CA2: variants seen among roughly 807,000 people sequenced by gnomAD.
CA2 encodes carbonic anhydrase 2, also known as carbonate dehydratase II.
In CA2, 23 loss-of-function variants were observed where a neutral mutation model predicts 27.8. The observed-to-expected ratio is 0.83, with a 90% CI of 0.59 to 1.17. The LOEUF (loss-of-function observed/expected upper bound fraction) is 1.17, where lower values mean the gene tolerates loss of function less well. Ranked by LOEUF, CA2 falls within the 50% of genes most tolerant of loss-of-function variation. The probability of loss-of-function intolerance (pLI) is 0.00; values close to 1 mark genes in which losing one functional copy is unlikely to be tolerated. For missense variants in CA2, 300 were observed against 314.7 expected, an observed-to-expected ratio of 0.95 and a Z score of 0.35; for synonymous variants, 99 against 114.9, an observed-to-expected ratio of 0.86 and a Z score of 0.88.
At position 85,480,875 on chromosome 8, in the gene CA2, C is replaced by G. The variant is rs1276370841; in HGVS notation, c.*86C>G. On this transcript the variant is annotated 3_prime_UTR_variant, in exon 7 of 7. Transcript: ENST00000285379. ...CAGATCTACCTTGGTGATTTGGACC[C>G]TGGTTGCTTTGTGTCTAGTTTTCTA... The G allele has an allele frequency of 6.8e-7, 1 of 1,469,366 alleles. No individual in the cohort carries two copies. The highest frequency in any genetic ancestry group is 1.4e-5 in the African/African-American group (1 of 71,680). The allele number at this position is 1,469,366 out of a possible 1,614,324, so 91.0% of individuals were successfully genotyped here.
rs1443776147 is a variant in CA2, at chr8:85,465,346, A to T, written c.109A>T (p.Thr37Ser). The change falls in exon 2 of 7, where the codon ACA (threonine) becomes TCA (serine). Residue 37 changes from threonine to serine, a missense_variant. Thr to Ser is a moderately conservative substitution (Grantham distance 58). This residue lies in a region of CA2 where 122 missense variants were observed against 133.2 expected (regional missense o/e 0.92). Transcript: ENST00000285379. ...RQSPVDIDTH[T>S]AKYDPSLKPL... ...GTCCCCTGTTGACATCGACACTCAT[A>T]CAGCCAAGTATGACCCTTCCCTGAA... 12 of 1,614,064 alleles carry T rather than the reference A, an allele frequency of 7.4e-6. No homozygotes were observed. The East Asian group carries it at 2.7e-4, about 36-fold the overall frequency.
chr8:85,468,746 G>T (rs906587041), intron 2 of CA2, among the ~76,000 whole-genome samples: 3 of 151,774 alleles, frequency 2.0e-5, no homozygotes, highest in Admixed American at 6.6e-5. Flanking sequence ...GTGACAGAAC[G>T]AGACTCCATC....
In CA2 at chr8:85,474,375, C is replaced by T. The variant is rs1811757424; in HGVS notation, c.403C>T (p.Gln135Ter). ...ATATGGGGATTTTGGGAAAGCTGTG[C>T]AGCAACCTGATGGACTGGCCGTTCT... ...TKYGDFGKAV[Q>*]QPDGLAVLGI... Residue 135 changes from glutamine (Q) to a stop codon, truncating the protein, a stop_gained, in exon 4 of 7, where the codon CAG (glutamine) becomes TAG (stop). Transcript: ENST00000285379. LOFTEE classifies it high-confidence loss of function. The T allele has an allele frequency of 1.9e-6, 3 of 1,613,948 alleles. No individual in the cohort carries two copies. In the Admixed American group the frequency reaches 5.0e-5, roughly 27 times the overall value.
In CA2 at chr8:85,464,122, G is replaced by A. The variant is rs762582459; in HGVS notation, c.34+7G>A. ...GGGTACGGCAAACACAACGGTGAGT[G>A]CCGGCGACGGCCAGCGCGGGGGCGC... On this transcript the variant is annotated splice_region_variant and intron_variant, in intron 1 of 6. Transcript: ENST00000285379. 3.3e-6 allele frequency: 5 copies of A among 1,538,080 alleles called. No individual in the cohort carries two copies. Among genetic ancestry groups the A allele is most frequent in the African/African-American group, 2.8e-5 (2 of 71,266 alleles).
Position 85,466,956 on chromosome 8 carries a change from C to T in CA2, c.232+1487C>T, listed in dbSNP as rs540301546. On this transcript the variant is annotated intron_variant, in intron 2 of 6. Coordinates refer to ENST00000285379, the MANE Select transcript of CA2 (RefSeq NM_000067.3). ...ACAGAAAGAATACTATAACATTTCA[C>T]GTCTAGTCATTTACAAACCAAAAGA... Among the ~76,000 whole-genome samples, 10 of 152,280 alleles carry T rather than the reference C, an allele frequency of 6.6e-5. No homozygotes were observed. The East Asian group carries it at 9.6e-4, about 15-fold the overall frequency.
chr8:85,466,438 C>G (rs1242446394), intron 2 of CA2, among the ~76,000 whole-genome samples: 1 of 151,914 alleles, frequency 6.6e-6, no homozygotes, highest in Non-Finnish European at 1.5e-5. Flanking sequence ...GTAATTATAA[C>G]CATTTAGTCA....
rs1164861587 is a variant in CA2, at chr8:85,480,795, TC to T, written c.*9del. ...TCAAAGCTTCCTTCAAATAAGATGG[TC>T]CCATAGTCTGTATCCAAATAATGAA... On this transcript the variant is annotated 3_prime_UTR_variant, in exon 7 of 7. Transcript: ENST00000285379. 6.2e-7 allele frequency: 1 copy of T among 1,613,582 alleles called. No individual in the cohort carries two copies. Among genetic ancestry groups the T allele is most frequent in the African/African-American group, 1.3e-5 (1 of 74,996 alleles).
chr8:85,474,286 G>A, intron 3 of CA2, 38 bp from the exon 4 acceptor site: 1 of 1,409,800 alleles, frequency 7.1e-7, no homozygotes, highest in Non-Finnish European at 1.0e-6. Flanking sequence ...CTTTGATTAT[G>A]TAAATCACTC....
rs971649618 is a variant in CA2, at chr8:85,473,793, A to G, written c.333A>G (p.Lys111=). ...AAGGTTCAGAGCATACTGTGGATAA[A>G]AAGAAATATGCTGCAGAAGTAAGAT... The part of the protein sequence containing the change: ...DGQGSEHTVD[K]KKYAAELHLV... The change falls in exon 3 of 7, where the codon AAA becomes AAG. Residue 111 remains lysine (K), a synonymous_variant. Coordinates refer to ENST00000285379, the MANE Select transcript of CA2 (RefSeq NM_000067.3). 1 of 1,575,158 alleles carries G rather than the reference A, an allele frequency of 6.3e-7. No homozygotes were observed. Among genetic ancestry groups the G allele is most frequent in the East Asian group, 2.2e-5 (1 of 44,670 alleles).
At chr8:85,475,984 T>C (rs750006721) in intron 5 of CA2, 124 bp downstream of exon 5, 1 of 766,370 alleles carries the variant, frequency 1.3e-6, no homozygotes, top group Non-Finnish European at 2.3e-6. Flanking sequence ...GAGCAGTTAG[T>C]AAAGGTAGAA....
chr8:85,480,515 A>C (rs1811873016), intron 6 of CA2, among the ~76,000 whole-genome samples, 155 bp from the exon 7 acceptor site: 1 of 151,362 alleles, frequency 6.6e-6, no homozygotes, highest in African/African-American at 2.4e-5. Context: ...ACCTCAAGTG[A>C]TCCACCCGCC....
chr8:85,472,519 C>A (rs190928959), intron 2 of CA2, among the ~76,000 whole-genome samples: 1 of 152,040 alleles, frequency 6.6e-6, no homozygotes, highest in African/African-American at 2.4e-5. Context: ...TTGCTTAATG[C>A]AGTTACATTA....
Position 85,477,232 on chromosome 8 carries a change from C to T in CA2, c.620C>T (p.Thr207Ile), listed in dbSNP as rs1228811130. ...LTTPPLLECV[T>I]WIVLKEPISV... ...ACCCCTCCTCTTCTGGAATGTGTGA[C>T]CTGGATTGTGCTCAAGGAACCCATC... The change falls in exon 6 of 7, where the codon ACC (threonine) becomes ATC (isoleucine). Residue 207 changes from threonine (T) to isoleucine (I), a missense_variant. By Grantham distance (89) the Thr-to-Ile change is moderately conservative. Transcript: ENST00000285379. The T allele has an allele frequency of 1.2e-6, 2 of 1,613,976 alleles. No individual in the cohort carries two copies. Among genetic ancestry groups the T allele is most frequent in the African/African-American group, 1.3e-5 (1 of 74,914 alleles).
At chr8:85,465,861 A>C (rs1176679366) in intron 2 of CA2, among the ~76,000 whole-genome samples, 6 of 152,184 alleles carry the variant, frequency 3.9e-5, no homozygotes, top group African/African-American at 1.4e-4. Flanking sequence ...AGTATATCTT[A>C]GTGAGCCTTA....
chr8:85,474,497 T>G, intron 4 of CA2, 81 bp downstream of exon 4: 3 of 1,067,880 alleles, frequency 2.8e-6, no homozygotes, highest in Non-Finnish European at 4.4e-6. Flanking sequence ...ATACAGGACA[T>G]TCTACAAAAG....
chr8:85,474,712 G>T (rs1586015548), intron 4 of CA2: 2 of 412,722 alleles, frequency 4.8e-6, no homozygotes, highest in Admixed American at 3.6e-5. Context: ...TTAACCTGAG[G>T]CTAGACAGTA....
intron 2 of CA2, 23 bp from the exon 3 acceptor site, chr8:85,473,670 A>G: frequency 3.7e-6 from 4 of 1,090,150 alleles, no homozygotes; most frequent in Non-Finnish European, 4.2e-6. Context: ...TATGTTACAT[A>G]TATATATATG....
chr8:85,477,043 TTGTGTC>T, intron 5 of CA2, 71 bp from the exon 6 acceptor site: 1 of 1,428,092 alleles, frequency 7.0e-7, no homozygotes, highest in Non-Finnish European at 9.9e-7. Flanking sequence ...GTATACCTAT[TTGTGTC>T]TGCTGCTCTC....
chr8:85,464,373 C>G (rs1277231835), intron 1 of CA2: 5 of 435,590 alleles, frequency 1.1e-5, no homozygotes, highest in East Asian at 3.9e-5. Flanking sequence ...GCGTAGGGCC[C>G]GAGGGAGGGG....
Sources: gnomAD v4.1 joint callset for allele counts (sites outside exome capture counted in the v4.1 genomes callset) on GRCh38, gnomAD v4.1.1 for gene constraint, gnomAD v4.1.1 regional missense constraint, MANE v1.5 for transcripts, NCBI Gene and HGNC (gene_info 2026-07-23, HGNC 2026-07-21) for gene names.